Variants in GPHN observed in about 807,000 individuals in gnomAD.
GPHN encodes the protein gephyrin.
In GPHN, 17 loss-of-function variants were observed where a neutral mutation model predicts 95.5. The observed-to-expected ratio is 0.18, with a 90% CI of 0.12 to 0.27. The LOEUF (loss-of-function observed/expected upper bound fraction) is 0.27, where lower values mean the gene tolerates loss of function less well. Among genes scored for constraint, GPHN ranks in the 10% least tolerant of loss-of-function variants. The pLI, the probability that GPHN is intolerant of heterozygous loss-of-function variation, is 1.00. For missense variants in GPHN, 660 were observed against 978.1 expected (o/e 0.67, Z 4.34); for synonymous variants, 320 against 322.5 (o/e 0.99, Z 0.08).
the GPHN span, among the ~76,000 whole-genome samples, chr14:67,464,044 T>G: frequency 2.0e-5 from 3 of 151,996 alleles, no homozygotes; most frequent in African/African-American, 7.3e-5. Context: ...TTAGTGTGCA[T>G]GAGGTGGCGC....
At chr14:66,590,717 C>T (rs538581598) in intron 1 of GPHN, among the ~76,000 whole-genome samples, 3 of 152,082 alleles carry the variant, frequency 2.0e-5, no homozygotes, top group Non-Finnish European at 2.9e-5. Flanking sequence ...CCAAATTCTA[C>T]CAGAAGTACA....
At chr14:67,501,084 T>TAAA in the GPHN span, among the ~76,000 whole-genome samples, 2 of 141,840 alleles carry the variant, frequency 1.4e-5, no homozygotes, top group Non-Finnish European at 3.1e-5. Context: ...ATAATAATAA[T>TAAA]AAAGAAAATG....
chr14:67,733,151 A>C, the GPHN span, among the ~76,000 whole-genome samples: 3 of 152,088 alleles, frequency 2.0e-5, no homozygotes, highest in East Asian at 1.9e-4. Context: ...ACAAAAAAAA[A>C]CATGATGAGA....
the GPHN span, among the ~76,000 whole-genome samples, chr14:67,609,570 G>T: frequency 6.6e-6 from 1 of 151,984 alleles, no homozygotes; most frequent in East Asian, 1.9e-4. Context: ...GTGGGGCAGG[G>T]GTATGAATTT....
At chr14:67,095,966 C>CAAAAAAAAAAAAAAAAAAAAAAA in intron 12 of GPHN, among the ~76,000 whole-genome samples, 6 of 67,084 alleles carry the variant, frequency 8.9e-5, no homozygotes, top group Non-Finnish European at 2.1e-4. Context: ...AAGAAAAAGG[C>CAAAAAAAAAAAAAAAAAAAAAAA]AAAAAAAAAA....
At chr14:67,699,589 C>CAAAAAAAAAAA in the GPHN span, among the ~76,000 whole-genome samples, 18 of 50,788 alleles carry the variant, frequency 3.5e-4, no homozygotes, top group African/African-American at 8.8e-4. Flanking sequence ...GACCCTATCT[C>CAAAAAAAAAAA]AAAAAAAAAA....
intron 1 of GPHN, among the ~76,000 whole-genome samples, chr14:66,511,814 A>G (rs557661271): frequency 6.6e-6 from 1 of 152,146 alleles, no homozygotes; most frequent in South Asian, 2.1e-4. Flanking sequence ...TATGATAATT[A>G]ATGTAACATG....
At chr14:66,713,425 T>C (rs2069860286) in intron 2 of GPHN, among the ~76,000 whole-genome samples, 1 of 152,142 alleles carries the variant, frequency 6.6e-6, no homozygotes. Context: ...TGTTTGCTTG[T>C]TGAAGATCAG....
intron 2 of GPHN, among the ~76,000 whole-genome samples, chr14:66,774,857 A>T (rs2059326431): frequency 6.6e-6 from 1 of 152,232 alleles, no homozygotes; most frequent in African/African-American, 2.4e-5. Context: ...GAAATGATAT[A>T]AAAGTATACT....
intron 8 of GPHN, among the ~76,000 whole-genome samples, chr14:66,954,877 T>G (rs1348725834): frequency 6.6e-6 from 1 of 152,116 alleles, no homozygotes; most frequent in Non-Finnish European, 1.5e-5. Context: ...ATTTGTGAAG[T>G]TTTTTTCCCC....
chr14:67,095,282 C>G (rs570592779), intron 12 of GPHN, among the ~76,000 whole-genome samples: 3 of 152,212 alleles, frequency 2.0e-5, no homozygotes, highest in South Asian at 2.1e-4. Context: ...ATCCATGGAC[C>G]AGCAGCCTCA....
chr14:67,471,893 T>A, the GPHN span: 1 of 152,252 alleles, frequency 6.6e-6, no homozygotes, highest in Non-Finnish European at 1.5e-5. Context: ...AGTCCTAGTG[T>A]GGTCAAGAAG....
At chr14:67,293,387 G>T in the GPHN span, among the ~76,000 whole-genome samples, 1 of 152,202 alleles carries the variant, frequency 6.6e-6, no homozygotes, top group South Asian at 2.1e-4. Flanking sequence ...TTATTAAAAT[G>T]AATAATTCTG....
chr14:66,963,173 C>T (rs1223565939), intron 8 of GPHN, among the ~76,000 whole-genome samples: 2 of 151,958 alleles, frequency 1.3e-5, no homozygotes, highest in African/African-American at 2.4e-5. Flanking sequence ...TAACTTTTTC[C>T]TGAGTTCCAG....
downstream of GPHN, among the ~76,000 whole-genome samples, chr14:67,186,572 C>T (rs1022870225): frequency 2.6e-5 from 4 of 152,098 alleles, no homozygotes; most frequent in Non-Finnish European, 5.9e-5. Flanking sequence ...AGGTCAGACC[C>T]GATGGAGCCA....
chr14:67,642,793 C>CTTTTTTTTTTTTTTTTTTTTTTTT, the GPHN span, among the ~76,000 whole-genome samples: 6 of 75,518 alleles, frequency 7.9e-5, 1 homozygote, highest in African/African-American at 1.6e-4. Flanking sequence ...ACTACATTTT[C>CTTTTTTTTTTTTTTTTTTTTTTTT]TTTTTTTTTT....
chr14:67,377,433 C>G, the GPHN span, among the ~76,000 whole-genome samples: 3 of 152,224 alleles, frequency 2.0e-5, no homozygotes, highest in African/African-American at 7.2e-5. Context: ...CAGAAAACCA[C>G]TCTATCCCTG....
chr14:67,513,517 C>G, the GPHN span, among the ~76,000 whole-genome samples: 39 of 152,342 alleles, frequency 2.6e-4, no homozygotes, highest in Admixed American at 2.4e-3. Context: ...GTTGTCCCCA[C>G]CCAACGCCTG....
chr14:67,307,808 G>T, the GPHN span, among the ~76,000 whole-genome samples: 5 of 152,018 alleles, frequency 3.3e-5, no homozygotes, highest in Non-Finnish European at 7.4e-5. Context: ...AAATATTTTG[G>T]TAGCAGAGAT....
Sources: allele counts gnomAD v4.1 joint callset (sites outside exome capture counted in the v4.1 genomes callset), GRCh38; gene constraint gnomAD v4.1.1; transcripts MANE v1.5; gene names NCBI Gene and HGNC (gene_info 2026-07-23, HGNC 2026-07-21).